The following XKR9 variants were observed in gnomAD, a reference collection of about 807,000 sequenced individuals.
The protein encoded by XKR9 is XK-related protein 9.
In XKR9, 32 loss-of-function variants were observed where a neutral mutation model predicts 32.0. The ratio of observed to expected loss-of-function variants is 1.00; its 90% CI spans 0.76 to 1.34. The LOEUF (loss-of-function observed/expected upper bound fraction) is 1.34. XKR9 is among the 40% of genes most tolerant of loss of function. XKR9 has a pLI of 0.00. For synonymous variants in XKR9, 168 were observed against 143.4 expected (o/e 1.17, Z -1.22); for missense variants, 546 against 429.7 (o/e 1.27, Z -2.39).
chr8:70,732,493 C>T (rs56094661), intron 4 of XKR9, among the ~76,000 whole-genome samples: 48,448 of 152,106 alleles, frequency 0.32, 9,083 homozygotes, highest in Non-Finnish European at 0.43. Context: ...AGTGGGGCTA[C>T]TGAACCATGG....
the XKR9 span, among the ~76,000 whole-genome samples, chr8:70,905,023 A>G: frequency 6.6e-6 from 1 of 152,156 alleles, no homozygotes; most frequent in African/African-American, 2.4e-5. Flanking sequence ...TTTGTGGGTA[A>G]TTCGACCTTT....
At chr8:70,681,382 G>T (rs750216640) in intron 3 of XKR9, 52 bp downstream of exon 3, 1 of 1,553,890 alleles carries the variant, frequency 6.4e-7, no homozygotes, top group Non-Finnish European at 8.7e-7. Flanking sequence ...CCAAACAGAA[G>T]CTACCATTTT....
chr8:70,686,576 T>C (rs1819287391), intron 3 of XKR9, among the ~76,000 whole-genome samples: 1 of 152,090 alleles, frequency 6.6e-6, no homozygotes, highest in Admixed American at 6.6e-5. Flanking sequence ...CCTGAGTAGC[T>C]GGGACTACAG....
At chr8:70,700,325 G>A (rs1188665621) in intron 3 of XKR9, among the ~76,000 whole-genome samples, 1 of 152,056 alleles carries the variant, frequency 6.6e-6, no homozygotes, top group African/African-American at 2.4e-5. Flanking sequence ...ATCTACTTTT[G>A]GTCTTTGATG....
chr8:70,810,891 A>G, the XKR9 span, among the ~76,000 whole-genome samples: 1 of 152,294 alleles, frequency 6.6e-6, no homozygotes, highest in South Asian at 2.1e-4. Context: ...CGAGACAGAA[A>G]GTTAACAAGG....
downstream of XKR9, among the ~76,000 whole-genome samples, chr8:70,790,709 C>T (rs1471329471): frequency 6.6e-6 from 1 of 152,074 alleles, no homozygotes; most frequent in Admixed American, 6.6e-5. Flanking sequence ...ACAGTCTAGT[C>T]TTTATCCTCT....
the XKR9 span, among the ~76,000 whole-genome samples, chr8:70,924,193 G>A: frequency 1.1e-4 from 16 of 152,190 alleles, no homozygotes; most frequent in South Asian, 1.0e-3. Flanking sequence ...AAATAGTTCC[G>A]TGAACTGGCC....
At chr8:71,059,554 T>G in the XKR9 span, among the ~76,000 whole-genome samples, 2 of 152,262 alleles carry the variant, frequency 1.3e-5, no homozygotes, top group Admixed American at 6.5e-5. Flanking sequence ...AAGATTTCTG[T>G]GTTTCTTAGT....
At chr8:70,899,481 T>C in the XKR9 span, among the ~76,000 whole-genome samples, 1 of 151,654 alleles carries the variant, frequency 6.6e-6, no homozygotes, top group Non-Finnish European at 1.5e-5. Flanking sequence ...CACTGCTCAA[T>C]TTTGCATGGG....
chr8:70,785,737 C>G (rs201323352), intron 2 of XKR9, among the ~76,000 whole-genome samples: 109 of 115,598 alleles, frequency 9.4e-4, no homozygotes, highest in African/African-American at 3.0e-3. Flanking sequence ...CTCTCTCTCT[C>G]TCTATATATA....
chr8:71,055,516 G>C, the XKR9 span, among the ~76,000 whole-genome samples: 2 of 152,120 alleles, frequency 1.3e-5, no homozygotes, highest in Non-Finnish European at 2.9e-5. Context: ...AGAGATTAAT[G>C]AGAAAAAGAA....
downstream of XKR9, among the ~76,000 whole-genome samples, chr8:70,740,573 GTT>G (rs199686785): frequency 6.6e-6 from 1 of 151,266 alleles, no homozygotes; most frequent in Non-Finnish European, 1.5e-5. Context: ...TTTCTGCTCT[GTT>G]TTTTTCCCCA....
At chr8:70,740,871 C>G (rs1806960269), downstream of XKR9, among the ~76,000 whole-genome samples, 1 of 152,226 alleles carries the variant, frequency 6.6e-6, no homozygotes, top group Admixed American at 6.5e-5. Flanking sequence ...TGTCAGTCTG[C>G]CCCTCCTGGG....
At chr8:71,024,469 T>C in the XKR9 span, among the ~76,000 whole-genome samples, 1 of 152,128 alleles carries the variant, frequency 6.6e-6, no homozygotes. Flanking sequence ...ATGCAGGGGC[T>C]ACTGGGCCCT....
At chr8:71,062,519 A>T in the XKR9 span, among the ~76,000 whole-genome samples, 6 of 152,244 alleles carry the variant, frequency 3.9e-5, no homozygotes, top group South Asian at 1.2e-3. Context: ...ATTTCCACAT[A>T]CAAATCTGGC....
the XKR9 span, among the ~76,000 whole-genome samples, chr8:70,838,865 C>T: frequency 1.4e-4 from 22 of 151,990 alleles, 1 homozygote; most frequent in Non-Finnish European, 2.8e-4. Flanking sequence ...AGAGTTTGCT[C>T]TTTATGAGAC....
the XKR9 span, among the ~76,000 whole-genome samples, chr8:71,062,755 T>A: frequency 6.6e-6 from 1 of 151,996 alleles, no homozygotes; most frequent in Non-Finnish European, 1.5e-5. Context: ...AGCAAGGTGT[T>A]AATAGTGCAC....
intron 2 of XKR9, among the ~76,000 whole-genome samples, chr8:70,677,606 G>C (rs1818927383): frequency 6.6e-6 from 1 of 152,130 alleles, no homozygotes; most frequent in Non-Finnish European, 1.5e-5. Flanking sequence ...TACTCACACA[G>C]CTATAAATGT....
chr8:70,947,137 C>T, the XKR9 span, among the ~76,000 whole-genome samples: 3 of 152,158 alleles, frequency 2.0e-5, no homozygotes, highest in South Asian at 2.1e-4. Flanking sequence ...AAAGCCCAAA[C>T]CCAAATCATA....
Sources: allele counts gnomAD v4.1 joint callset (sites outside exome capture counted in the v4.1 genomes callset), GRCh38; gene constraint gnomAD v4.1.1; transcripts MANE v1.5; gene names NCBI Gene and HGNC (gene_info 2026-07-23, HGNC 2026-07-21).